The following GNAO1 variants were observed in gnomAD, a reference collection of about 807,000 sequenced individuals.
The protein encoded by GNAO1 is G protein subunit alpha o1, also known as guanine nucleotide-binding protein G(o) subunit alpha.
For synonymous variants in GNAO1, 164 were observed against 180.7 expected (o/e 0.91, Z 0.74); for missense variants, 166 against 478.7 (o/e 0.35, Z 6.10).
intron 6 of GNAO1, among the ~76,000 whole-genome samples, chr16:56,350,872 C>T (rs117033866): frequency 0.011 from 1,657 of 152,266 alleles, 18 homozygotes; most frequent in Middle Eastern, 0.021. Flanking sequence ...TCTCCGGCTC[C>T]GGTCCAGACT....
intron 2 of GNAO1, chr16:56,235,177 G>A: frequency 1.0e-5 from 4 of 382,260 alleles, no homozygotes; most frequent in Non-Finnish European, 2.1e-5. Flanking sequence ...TTGAAGGCTG[G>A]TGATTGAGAC....
At chr16:56,312,268 C>T (rs537458645) in intron 3 of GNAO1, among the ~76,000 whole-genome samples, 2 of 152,346 alleles carry the variant, frequency 1.3e-5, no homozygotes, top group African/African-American at 4.8e-5. Context: ...CAGCAAGTCT[C>T]ATAACCCATC....
intron 2 of GNAO1, among the ~76,000 whole-genome samples, chr16:56,209,337 A>G (rs1596797704): frequency 6.6e-6 from 1 of 152,302 alleles, no homozygotes; most frequent in East Asian, 1.9e-4. Context: ...TTCTTATGAC[A>G]GTGCCACACT....
chr16:56,336,499 G>A, intron 5 of GNAO1: 2 of 479,562 alleles, frequency 4.2e-6, no homozygotes, highest in South Asian at 5.4e-5. Flanking sequence ...TTTGAGTCAT[G>A]ATCTGTGAGC....
chr16:56,194,140 A>G (rs939881738), intron 2 of GNAO1: 2 of 456,438 alleles, frequency 4.4e-6, no homozygotes, highest in Non-Finnish European at 4.4e-6. Context: ...TCTGCTTGAC[A>G]TGTTCTTATT....
At chr16:56,212,993 G>T (rs1401804715) in intron 2 of GNAO1, among the ~76,000 whole-genome samples, 1 of 152,212 alleles carries the variant, frequency 6.6e-6, no homozygotes, top group African/African-American at 2.4e-5. Context: ...GGCTGCCTGT[G>T]GGCAGAGACG....
At chr16:56,233,093 T>C (rs2036605794) in intron 2 of GNAO1, among the ~76,000 whole-genome samples, 1 of 152,230 alleles carries the variant, frequency 6.6e-6, no homozygotes, top group African/African-American at 2.4e-5. Flanking sequence ...CATTACTTAA[T>C]CTAGCTGTGT....
chr16:56,240,488 G>GTT (rs1173012373), intron 2 of GNAO1, among the ~76,000 whole-genome samples: 1 of 152,136 alleles, frequency 6.6e-6, no homozygotes, highest in African/African-American at 2.4e-5. Flanking sequence ...CCATGGTGCT[G>GTT]TTTAATGCTT....
At chr16:56,266,868 T>C (rs72814447) in intron 2 of GNAO1, among the ~76,000 whole-genome samples, 1 of 152,232 alleles carries the variant, frequency 6.6e-6, no homozygotes, top group Non-Finnish European at 1.5e-5. Flanking sequence ...TATATATTCA[T>C]GGAGGGAATG....
At chr16:56,277,859 C>G (rs1435638452) in intron 3 of GNAO1, among the ~76,000 whole-genome samples, 1 of 149,910 alleles carries the variant, frequency 6.7e-6, no homozygotes, top group African/African-American at 2.5e-5. Flanking sequence ...TGAGATCTTC[C>G]AGGAGCAAAT....
intron 6 of GNAO1, among the ~76,000 whole-genome samples, chr16:56,340,071 C>G (rs1321501710): frequency 9.9e-5 from 15 of 152,226 alleles, no homozygotes; most frequent in Admixed American, 9.8e-4. Context: ...AGGAGCTAGC[C>G]AGGATGCCCT....
chr16:56,208,392 G>C (rs563313919), intron 2 of GNAO1, among the ~76,000 whole-genome samples: 67 of 151,508 alleles, frequency 4.4e-4, no homozygotes, highest in Middle Eastern at 3.4e-3. Context: ...TTTGAGTTTG[G>C]AGCAGTTATA....
intron 3 of GNAO1, among the ~76,000 whole-genome samples, chr16:56,303,775 T>C (rs1287153998): frequency 6.6e-6 from 1 of 152,182 alleles, no homozygotes; most frequent in African/African-American, 2.4e-5. Context: ...TTCATGGCAC[T>C]GAATCTGCCC....
At chr16:56,219,924 A>G (rs559430232) in intron 2 of GNAO1, among the ~76,000 whole-genome samples, 1 of 152,296 alleles carries the variant, frequency 6.6e-6, no homozygotes, top group East Asian at 1.9e-4. Context: ...AATTCCTAGA[A>G]CTAGAGAAGG....
chr16:56,241,029 C>T (rs1270163683), intron 2 of GNAO1, among the ~76,000 whole-genome samples: 4 of 152,234 alleles, frequency 2.6e-5, no homozygotes, highest in Non-Finnish European at 2.9e-5. Context: ...GCTCCGTACT[C>T]TCTGTGTACA....
chr16:56,237,004 A>G (rs1049843581), intron 2 of GNAO1, among the ~76,000 whole-genome samples: 1 of 152,252 alleles, frequency 6.6e-6, no homozygotes, highest in Non-Finnish European at 1.5e-5. Flanking sequence ...CTCATCTGTA[A>G]GAGTAGAATT....
In GNAO1 at chr16:56,334,869, A is replaced by C. The variant is rs370265621; in HGVS notation, c.593+12A>C. 6.8e-4 allele frequency: 1,090 copies of C among 1,613,604 alleles called. 1 individual carries two copies. Among genetic ancestry groups the C allele is most frequent in the Non-Finnish European group, 8.6e-4 (1,019 of 1,179,888 alleles). On this transcript the variant is annotated intron_variant, in intron 5 of 8. Transcript: ENST00000262493. ...AACCTCCACTTCAGGTGAGGCCCAG[A>C]GAGGCCCCCAGGCCCTGGCGAGGGC...
At chr16:56,319,661 G>A (rs1209502308) in intron 3 of GNAO1, among the ~76,000 whole-genome samples, 1 of 152,138 alleles carries the variant, frequency 6.6e-6, no homozygotes, top group Non-Finnish European at 1.5e-5. Flanking sequence ...AGGACACAGG[G>A]CCTGTGTGCC....
intron 2 of GNAO1, chr16:56,255,380 C>A (rs1364092403): frequency 6.6e-6 from 1 of 152,148 alleles, no homozygotes; most frequent in Admixed American, 6.5e-5. Flanking sequence ...TTGTGTGTTT[C>A]CTCTAAAAAA....
Sources: allele counts gnomAD v4.1 joint callset (sites outside exome capture counted in the v4.1 genomes callset), GRCh38; gene constraint gnomAD v4.1.1; transcripts MANE v1.5; gene names NCBI Gene and HGNC (gene_info 2026-07-23, HGNC 2026-07-21).